The following ZFPM2 variants were observed in gnomAD, a reference collection of about 807,000 sequenced individuals.
The protein encoded by ZFPM2 is zinc finger protein, FOG family member 2.
Under a neutral mutation model 98.6 loss-of-function variants are expected in ZFPM2, and 20 were observed. That is an observed-to-expected ratio of 0.20 (90% CI 0.14 to 0.29). The LOEUF (loss-of-function observed/expected upper bound fraction) is 0.29, where lower values mean the gene tolerates loss of function less well. ZFPM2 is among the 10% of genes least tolerant of loss of function. The pLI is 1.00. For missense variants in ZFPM2, 1,310 were observed against 1,388.6 expected (o/e 0.94, Z 0.90); for synonymous variants, 518 against 502.7 (o/e 1.03, Z -0.41).
chr8:105,688,675 A>G (rs1472723524), intron 5 of ZFPM2, among the ~76,000 whole-genome samples: 1 of 152,120 alleles, frequency 6.6e-6, no homozygotes, highest in Non-Finnish European at 1.5e-5. Flanking sequence ...AAGATATTAT[A>G]TAGTCTTCTA....
chr8:105,409,784 C>G, intron 1 of ZFPM2, among the ~76,000 whole-genome samples: 1 of 151,988 alleles, frequency 6.6e-6, no homozygotes, highest in South Asian at 2.1e-4. Flanking sequence ...ATGGCCCCAT[C>G]CCACAGAGTT....
chr8:105,488,695 C>T (rs1351276402), intron 3 of ZFPM2, among the ~76,000 whole-genome samples: 1 of 152,046 alleles, frequency 6.6e-6, no homozygotes, highest in African/African-American at 2.4e-5. Flanking sequence ...ACCCAAGAGG[C>T]GGAGGTTGTG....
At chr8:105,508,166 A>G (rs1813741158) in intron 3 of ZFPM2, among the ~76,000 whole-genome samples, 1 of 152,150 alleles carries the variant, frequency 6.6e-6, no homozygotes, top group Non-Finnish European at 1.5e-5. Flanking sequence ...CTTTTGGAGA[A>G]TACCTCACCG....
At chr8:105,353,591 C>T (rs2941654) in intron 1 of ZFPM2, among the ~76,000 whole-genome samples, 39,350 of 152,104 alleles carry the variant, frequency 0.26, 5,980 homozygotes, top group Admixed American at 0.4. Context: ...TTTTTGGCTA[C>T]ATCTCCAGAA....
chr8:105,364,462 T>C (rs1358954839), intron 1 of ZFPM2, among the ~76,000 whole-genome samples: 4 of 152,086 alleles, frequency 2.6e-5, no homozygotes, highest in Admixed American at 6.6e-5. Context: ...ATTTTATATA[T>C]ATTCATCTCA....
chr8:105,398,717 G>T (rs535712939), intron 1 of ZFPM2, among the ~76,000 whole-genome samples: 53 of 152,170 alleles, frequency 3.5e-4, no homozygotes, highest in African/African-American at 1.2e-3. Flanking sequence ...AGTAATTATT[G>T]CTTCCCTGGC....
chr8:105,681,052 G>A (rs1394813283), intron 5 of ZFPM2, among the ~76,000 whole-genome samples: 1 of 152,160 alleles, frequency 6.6e-6, no homozygotes, highest in African/African-American at 2.4e-5. Context: ...TAGTGGGTGT[G>A]AAAATATAAT....
chr8:105,485,340 A>T (rs1275254807), intron 3 of ZFPM2, among the ~76,000 whole-genome samples: 1 of 152,000 alleles, frequency 6.6e-6, no homozygotes, highest in Admixed American at 6.6e-5. Context: ...AGAATAACAA[A>T]GTCCGATGTG....
chr8:105,775,077 T>TA (rs397968210), intron 5 of ZFPM2, among the ~76,000 whole-genome samples: 7,977 of 104,824 alleles, frequency 0.076, 810 homozygotes, highest in African/African-American at 0.24. Flanking sequence ...CTCTTGGAAT[T>TA]AAAAAAAAAA....
At chr8:105,789,155 T>A in intron 6 of ZFPM2, 1 of 360,152 alleles carries the variant, frequency 2.8e-6, no homozygotes, top group Non-Finnish European at 5.0e-6. Flanking sequence ...TACATATGTA[T>A]ACATGTGACA....
chr8:105,501,573 G>A (rs936233964), intron 3 of ZFPM2, among the ~76,000 whole-genome samples: 1 of 150,188 alleles, frequency 6.7e-6, no homozygotes, highest in African/African-American at 2.5e-5. Flanking sequence ...GCACCATCTT[G>A]GCTTGTTGCA....
chr8:105,499,265 A>G (rs1278151012), intron 3 of ZFPM2, among the ~76,000 whole-genome samples: 2 of 151,788 alleles, frequency 1.3e-5, no homozygotes, highest in Non-Finnish European at 2.9e-5. Context: ...AAAAAAAAAA[A>G]GGGTGGAGCT....
rs1473315143 is a variant in ZFPM2, at chr8:105,507,004, A to AG, written c.302-54359_302-54358insG. Among the ~76,000 whole-genome samples the AG allele has an allele frequency of 2.7e-5, 4 of 150,270 alleles. No homozygotes were observed. In the East Asian group the frequency reaches 8.0e-4, roughly 30 times the overall value. ...CTCCGTCTCCAAAAAAAAAAAAAAA[A>AG]CAAAAGAAAGTAGATCCTTTGAAAC... is the stretch of plus-strand genomic sequence containing the variant. On this transcript the variant is annotated intron_variant, in intron 3 of 7. Coordinates refer to ENST00000407775, the MANE Select transcript of ZFPM2 (RefSeq NM_012082.4).
At chr8:105,499,656 G>A (rs1393906068) in intron 3 of ZFPM2, among the ~76,000 whole-genome samples, 2 of 143,596 alleles carry the variant, frequency 1.4e-5, no homozygotes, top group African/African-American at 5.3e-5. Context: ...ACTCTAAACA[G>A]CTTAAAATTG....
chr8:105,381,796 G>C (rs1306110807), intron 1 of ZFPM2, among the ~76,000 whole-genome samples: 2 of 152,138 alleles, frequency 1.3e-5, no homozygotes, highest in Non-Finnish European at 1.5e-5. Context: ...GAAGCTTCAA[G>C]TGTTTACGTA....
chr8:105,656,515 G>A (rs1220060163), intron 5 of ZFPM2, among the ~76,000 whole-genome samples: 1 of 152,130 alleles, frequency 6.6e-6, no homozygotes, highest in East Asian at 1.9e-4. Context: ...CCCTAGGCAG[G>A]AAATGTTTAA....
Position 105,671,285 on chromosome 8 carries a change from T to A in ZFPM2, c.532+36928T>A, listed in dbSNP as rs1395832157. ...ACCAATTTTTTTGAACCTTCAATAT[T>A]TAAGTAGGTTAAAATGTTGAGCTCT... On this transcript the variant is annotated intron_variant, in intron 5 of 7. Coordinates refer to ENST00000407775, the MANE Select transcript of ZFPM2 (RefSeq NM_012082.4). 2.0e-5 allele frequency among the ~76,000 whole-genome samples: 3 copies of A among 152,006 alleles called. No individual in the cohort carries two copies. The East Asian group carries it at 5.8e-4, about 29-fold the overall frequency.
chr8:105,598,176 C>T (rs1399140872), intron 4 of ZFPM2, among the ~76,000 whole-genome samples: 3 of 151,488 alleles, frequency 2.0e-5, no homozygotes, highest in Middle Eastern at 3.2e-3. Context: ...TAATTAATTC[C>T]CATGAGACCT....
chr8:105,794,229 T>C (rs924690361), intron 6 of ZFPM2, among the ~76,000 whole-genome samples: 3 of 152,120 alleles, frequency 2.0e-5, no homozygotes. Flanking sequence ...TCTTTGATGA[T>C]GGTGATGTAC....
Sources: gnomAD v4.1 joint callset for allele counts (sites outside exome capture counted in the v4.1 genomes callset) on GRCh38, gnomAD v4.1.1 for gene constraint, MANE v1.5 for transcripts, NCBI Gene and HGNC (gene_info 2026-07-23, HGNC 2026-07-21) for gene names.